The following PRICKLE1 variants were observed in gnomAD, a reference collection of about 807,000 sequenced individuals.
The protein encoded by PRICKLE1 is prickle planar cell polarity protein 1, also known as prickle-like protein 1.
Under a neutral mutation model 70.2 loss-of-function variants are expected in PRICKLE1, and 14 were observed. The ratio of observed to expected loss-of-function variants is 0.20; its 90% CI spans 0.13 to 0.31. The LOEUF is 0.31. Among genes scored for constraint, PRICKLE1 ranks in the 10% least tolerant of loss-of-function variants. The pLI is 1.00. For missense variants in PRICKLE1, 821 were observed against 1,026.2 expected, an observed-to-expected ratio of 0.80 and a Z score of 2.73; for synonymous variants, 357 against 379.9, an observed-to-expected ratio of 0.94 and a Z score of 0.70.
chr12:42,485,580 T>G (rs896558), intron 1 of PRICKLE1: 88,423 of 151,700 alleles, frequency 0.58, 26,072 homozygotes, highest in Admixed American at 0.69. Flanking sequence ...TCAGGGAAGA[T>G]TTCAGCTACC....
At chr12:42,474,376 G>A (rs1938444188) in intron 1 of PRICKLE1, among the ~76,000 whole-genome samples, 1 of 152,150 alleles carries the variant, frequency 6.6e-6, no homozygotes, top group South Asian at 2.1e-4. Context: ...TAAATGAAGG[G>A]CAAGCACCTC....
At chr12:42,576,484 G>T (rs1230981949) in intron 1 of PRICKLE1, among the ~76,000 whole-genome samples, 1 of 152,138 alleles carries the variant, frequency 6.6e-6, no homozygotes, top group Non-Finnish European at 1.5e-5. Flanking sequence ...GGCCCACAAA[G>T]GTGTCATTAA....
At chr12:42,470,198 T>C in intron 3 of PRICKLE1, 48 bp downstream of exon 3, 4 of 1,302,720 alleles carry the variant, frequency 3.1e-6, no homozygotes, top group Non-Finnish European at 4.5e-6. Flanking sequence ...ATGCTTCTCA[T>C]GCATTTTTTC....
chr12:42,559,617 T>C (rs1337084541), intron 1 of PRICKLE1, among the ~76,000 whole-genome samples: 5 of 58,534 alleles, frequency 8.5e-5, no homozygotes, highest in African/African-American at 2.9e-4. Flanking sequence ...TATATATATA[T>C]ATATATATTT....
rs114684356 is a variant in PRICKLE1 at position 42,530,718 on chromosome 12, T to G, written c.-48-58154A>C. On this transcript the variant is annotated intron_variant, in intron 1 of 7. Transcript: ENST00000345127. ...TTTTTTTTTTTGAGCAGAGTCTCACTGTTGTCAGCCCAGGCTAGAGTGCAA... is the reference window on the plus strand; with the variant it reads ...TTTTTTTTTTTGAGCAGAGTCTCACGGTTGTCAGCCCAGGCTAGAGTGCAA... Among the ~76,000 whole-genome samples the G allele has an allele frequency of 3.0e-3, 373 of 122,756 alleles. 1 individual carries two copies. Among genetic ancestry groups the G allele is most frequent in the African/African-American group, 0.011 (354 of 32,212 alleles). The allele number at this position is 122,756 out of a possible 152,430, so 80.5% of individuals were successfully genotyped here. A position where few individuals can be genotyped will look rare whatever the true frequency, so the allele number is the denominator to read the frequency against.
At chr12:42,574,897 T>G (rs1178253514) in intron 1 of PRICKLE1, among the ~76,000 whole-genome samples, 1 of 151,812 alleles carries the variant, frequency 6.6e-6, no homozygotes, top group Non-Finnish European at 1.5e-5. Flanking sequence ...CTATTTCTGC[T>G]TGGTAAAGCT....
intron 1 of PRICKLE1, among the ~76,000 whole-genome samples, chr12:42,552,333 G>T (rs976711916): frequency 2.0e-5 from 3 of 152,146 alleles, no homozygotes; most frequent in South Asian, 2.1e-4. Context: ...CTCCCAAAGT[G>T]CTGGGATTAC....
Position 42,589,060 on chromosome 12 carries a change from C to A in PRICKLE1, c.-49+405G>T, listed in dbSNP as rs966127626. The A allele has an allele frequency of 2.0e-5, 3 of 152,270 alleles. No homozygotes were observed. The highest frequency in any genetic ancestry group is 2.9e-5 in the Non-Finnish European group (2 of 68,082). The allele number at this position is 152,270 out of a possible 1,614,324, so 9.4% of individuals were successfully genotyped here. ...AGAGGAGAGAATCGGTACCCTCCCT[C>A]CGGACGCCAGTAGGTGACAGGCGAT... is the stretch of plus-strand genomic sequence containing the variant. On this transcript the variant is annotated intron_variant, in intron 1 of 7. Transcript: ENST00000345127. The surrounding 1 kb of genome is among the most constrained non-coding windows in gnomAD (Gnocchi z 5.0).
chr12:42,466,283 C>T lies in PRICKLE1; in HGVS notation c.686G>A (p.Arg229Lys). 1 of 1,614,192 alleles carries T rather than the reference C, an allele frequency of 6.2e-7. No individual in the cohort carries two copies. The highest frequency in any genetic ancestry group is 1.1e-5 in the South Asian group (1 of 91,086). The change falls in exon 6 of 8, where the codon AGG (arginine) becomes AAG (lysine). Residue 229 changes from arginine (R) to lysine (K), a missense_variant. By Grantham distance (26) the Arg-to-Lys change is conservative (BLOSUM62 2). Coordinates refer to ENST00000345127, the MANE Select transcript of PRICKLE1 (RefSeq NM_153026.3). ...GGGGCGGCCGTCCTTCATGATATAC[C>T]TCTGTCCTCCCAGGACCGTTTCACA... ...LECETVLGGQ[R>K]YIMKDGRPFC...
intron 1 of PRICKLE1, among the ~76,000 whole-genome samples, chr12:42,475,326 C>T (rs1048033339): frequency 1.3e-5 from 2 of 152,174 alleles, no homozygotes; most frequent in African/African-American, 4.8e-5. Context: ...CTGGCTGGTA[C>T]CATTAGTGTT....
chr12:42,553,971 G>A (rs1312863335), intron 1 of PRICKLE1, among the ~76,000 whole-genome samples: 5 of 152,182 alleles, frequency 3.3e-5, no homozygotes, highest in African/African-American at 7.2e-5. Context: ...GGGCATGGTG[G>A]CTGGCGCCTG....
chr12:42,532,273 A>ACAGGT (rs1566116151), intron 1 of PRICKLE1, among the ~76,000 whole-genome samples: 1 of 152,264 alleles, frequency 6.6e-6, no homozygotes. Context: ...ATCTCTATGT[A>ACAGGT]CAGGTGGTCA....
At chr12:42,540,520 A>G (rs1298025128) in intron 1 of PRICKLE1, among the ~76,000 whole-genome samples, 1 of 152,198 alleles carries the variant, frequency 6.6e-6, no homozygotes, top group African/African-American at 2.4e-5. Context: ...TTTTTATTAT[A>G]TCTGAAAGAT....
chr12:42,522,965 T>A (rs534014388), intron 1 of PRICKLE1, among the ~76,000 whole-genome samples: 4 of 58,938 alleles, frequency 6.8e-5, no homozygotes, highest in African/African-American at 1.3e-4. Flanking sequence ...CTAACATATT[T>A]TTTTTTTTTT....
chr12:42,514,882 G>C (rs186964555), intron 1 of PRICKLE1, among the ~76,000 whole-genome samples: 1 of 124,444 alleles, frequency 8.0e-6, no homozygotes, highest in East Asian at 2.2e-4. Context: ...TTTTTTTAAG[G>C]CTCGCTCTAT....
intron 1 of PRICKLE1, among the ~76,000 whole-genome samples, chr12:42,531,335 C>T (rs548293647): frequency 4.5e-4 from 69 of 152,240 alleles, no homozygotes; most frequent in Non-Finnish European, 2.5e-4. Context: ...CGTGAGCCAC[C>T]GCGCCTGGCC....
intron 1 of PRICKLE1, among the ~76,000 whole-genome samples, chr12:42,549,729 T>TA (rs1190349184): frequency 5.3e-5 from 8 of 152,214 alleles, no homozygotes; most frequent in African/African-American, 1.9e-4. Flanking sequence ...TGCTGCCACA[T>TA]AGAGTATCAT....
chr12:42,521,683 AGAGT>A (rs1395159383), intron 1 of PRICKLE1, among the ~76,000 whole-genome samples: 1 of 152,218 alleles, frequency 6.6e-6, no homozygotes, highest in African/African-American at 2.4e-5. Context: ...CTTGGGTGAC[AGAGT>A]GAGACCTTGT....
chr12:42,554,947 G>A (rs2120672827), intron 1 of PRICKLE1, among the ~76,000 whole-genome samples: 1 of 151,672 alleles, frequency 6.6e-6, no homozygotes, highest in South Asian at 2.1e-4. Context: ...TAGATGGGAT[G>A]GTTCATTTAA....
Sources: allele counts gnomAD v4.1 joint callset (sites outside exome capture counted in the v4.1 genomes callset), GRCh38; gene constraint gnomAD v4.1.1; non-coding constraint Gnocchi (gnomAD v3.1); transcripts MANE v1.5; gene names NCBI Gene and HGNC (gene_info 2026-07-23, HGNC 2026-07-21).